Variants in B4GALNT3 observed in about 807,000 individuals in gnomAD.
B4GALNT3 encodes beta-1,4-N-acetyl-galactosaminyltransferase 3, also known as beta-1,4-N-acetylgalactosaminyltransferase 3.
In B4GALNT3, 86 loss-of-function variants were observed where a neutral mutation model predicts 120.2. The ratio of observed to expected loss-of-function variants is 0.72; its 90% CI spans 0.60 to 0.86. B4GALNT3 has a LOEUF of 0.86. Ranked by LOEUF, B4GALNT3 falls within the 40% of genes least tolerant of loss-of-function variation. The probability of loss-of-function intolerance (pLI) is 0.00; values close to 1 mark genes in which losing one functional copy is unlikely to be tolerated. For synonymous variants in B4GALNT3, 518 were observed against 510.4 expected, an observed-to-expected ratio of 1.01 and a Z score of -0.20; for missense variants, 1,167 against 1,298.9, an observed-to-expected ratio of 0.90 and a Z score of 1.56.
chr12:545,337 G>A, intron 5 of B4GALNT3, 32 bp from the exon 6 acceptor site: 1 of 1,589,768 alleles, frequency 6.3e-7, no homozygotes, highest in Non-Finnish European at 8.6e-7. Flanking sequence ...TGCCCTCCTT[G>A]CCCTCATCTG....
At chr12:511,690 T>TCCAC (rs1946566085) in intron 1 of B4GALNT3, among the ~76,000 whole-genome samples, 4 of 32,772 alleles carry the variant, frequency 1.2e-4, no homozygotes, top group African/African-American at 4.1e-4. Context: ...CCTTCCACCT[T>TCCAC]CTGTCTTCCA....
intron 1 of B4GALNT3, among the ~76,000 whole-genome samples, chr12:523,008 C>T (rs1242019724): frequency 2.2e-5 from 3 of 139,524 alleles, no homozygotes; most frequent in Non-Finnish European, 4.7e-5. Context: ...TTACTAAATA[C>T]ACACTCCCCC....
intron 19 of B4GALNT3, among the ~76,000 whole-genome samples, chr12:560,782 GGCAT>G (rs907672839): frequency 2.6e-5 from 4 of 152,196 alleles, no homozygotes; most frequent in African/African-American, 9.6e-5. Context: ...CGGAGGCTCA[GGCAT>G]CCAGTTCGGC....
At chr12:530,700 G>T (rs1946798099) in intron 1 of B4GALNT3, among the ~76,000 whole-genome samples, 1 of 152,186 alleles carries the variant, frequency 6.6e-6, no homozygotes, top group African/African-American at 2.4e-5. Flanking sequence ...TAACAGGGAG[G>T]TTGAGAAGAG....
intron 14 of B4GALNT3, 103 bp downstream of exon 14, chr12:554,086 G>T (rs965158606): frequency 1.3e-6 from 1 of 760,206 alleles, no homozygotes; most frequent in Admixed American, 2.7e-5. Flanking sequence ...CCCCAGCCGC[G>T]GAAATAGCTG....
chr12:535,408 G>A (rs929571487), intron 2 of B4GALNT3, 139 bp downstream of exon 2: 4 of 642,442 alleles, frequency 6.2e-6, no homozygotes, highest in Admixed American at 5.5e-5. Context: ...GTCCTAGTCT[G>A]GCCTCAGGAC....
intron 1 of B4GALNT3, among the ~76,000 whole-genome samples, chr12:492,049 C>G (rs1164453788): frequency 8.0e-6 from 1 of 125,298 alleles, no homozygotes; most frequent in Non-Finnish European, 1.7e-5. Context: ...CAGAACGAGA[C>G]CGTCTCAAAA....
At chr12:534,093 C>T (rs1565604789) in intron 1 of B4GALNT3, among the ~76,000 whole-genome samples, 1 of 152,136 alleles carries the variant, frequency 6.6e-6, no homozygotes, top group Non-Finnish European at 1.5e-5. Context: ...CTGGGGACAT[C>T]GTGGTGAAGC....
At chr12:469,696 A>G (rs1324042946) in intron 1 of B4GALNT3, among the ~76,000 whole-genome samples, 1 of 152,208 alleles carries the variant, frequency 6.6e-6, no homozygotes, top group Non-Finnish European at 1.5e-5. Context: ...ACCAGGACAC[A>G]GAAGCACAGC....
chr12:557,998 T>C lies in B4GALNT3; in HGVS notation c.2535-18T>C, dbSNP rs540037106. 4 of 1,613,532 alleles carry C rather than the reference T, an allele frequency of 2.5e-6. No homozygotes were observed. In the South Asian group the frequency reaches 4.4e-5, roughly 18 times the overall value. On this transcript the variant is annotated intron_variant, in intron 16 of 19. Coordinates refer to ENST00000266383, the MANE Select transcript of B4GALNT3 (RefSeq NM_173593.4). ...GCAGCTGAGTCCTGATACGCAGCCCTCTCTCCCCTTCCTGCAGCTACCAGT... is the reference window on the plus strand; with the variant it reads ...GCAGCTGAGTCCTGATACGCAGCCCCCTCTCCCCTTCCTGCAGCTACCAGT...
chr12:524,476 G>A (rs1946742708), intron 1 of B4GALNT3, among the ~76,000 whole-genome samples: 1 of 152,136 alleles, frequency 6.6e-6, no homozygotes, highest in South Asian at 2.1e-4. Context: ...GGAGAGGGCA[G>A]GGTGGCCGTG....
chr12:507,478 C>T (rs955996375), intron 1 of B4GALNT3, among the ~76,000 whole-genome samples: 2 of 152,226 alleles, frequency 1.3e-5, no homozygotes, highest in African/African-American at 4.8e-5. Flanking sequence ...AATTTGGACA[C>T]TGTGGGAACA....
intron 1 of B4GALNT3, among the ~76,000 whole-genome samples, chr12:482,859 G>A (rs1329279022): frequency 6.6e-6 from 1 of 152,144 alleles, no homozygotes; most frequent in African/African-American, 2.4e-5. Context: ...GCAACATAGT[G>A]AGACCCCATT....
chr12:512,509 G>A (rs1946595933), intron 1 of B4GALNT3, among the ~76,000 whole-genome samples: 4 of 81,108 alleles, frequency 4.9e-5, no homozygotes, highest in Admixed American at 3.0e-4. Flanking sequence ...TCTACCTTCT[G>A]CCTTCCACCT....
intron 1 of B4GALNT3, among the ~76,000 whole-genome samples, chr12:512,246 CCTT>C (rs1182259443): frequency 6.7e-5 from 4 of 59,716 alleles, no homozygotes; most frequent in Admixed American, 5.4e-4. Flanking sequence ...CCACCTTCCA[CCTT>C]CTTCCACCTT....
At chr12:527,429 G>A (rs1946767423) in intron 1 of B4GALNT3, among the ~76,000 whole-genome samples, 1 of 152,240 alleles carries the variant, frequency 6.6e-6, no homozygotes, top group South Asian at 2.1e-4. Context: ...CCTGCCTGCA[G>A]CCACAGCCGT....
chr12:488,756 G>T (rs1388015156), intron 1 of B4GALNT3, among the ~76,000 whole-genome samples: 2 of 152,154 alleles, frequency 1.3e-5, no homozygotes, highest in South Asian at 4.2e-4. Flanking sequence ...GGAGCCCAAG[G>T]TTGCAGTGAG....
intron 17 of B4GALNT3, 45 bp from the exon 18 acceptor site, chr12:558,463 C>A: frequency 1.3e-6 from 2 of 1,586,306 alleles, no homozygotes; most frequent in Non-Finnish European, 1.7e-6. Context: ...GACCTCCTAG[C>A]TCTGGTCTGC....
At chr12:468,567 G>A (rs1946105231) in intron 1 of B4GALNT3, among the ~76,000 whole-genome samples, 1 of 152,050 alleles carries the variant, frequency 6.6e-6, no homozygotes, top group Non-Finnish European at 1.5e-5. Context: ...CCGAGAGACT[G>A]GCCAGGAAGG....
Sources: allele counts gnomAD v4.1 joint callset (sites outside exome capture counted in the v4.1 genomes callset), GRCh38; gene constraint gnomAD v4.1.1; transcripts MANE v1.5; gene names NCBI Gene and HGNC (gene_info 2026-07-23, HGNC 2026-07-21).